Variants in ADARB2 observed in about 807,000 individuals in gnomAD.
The protein encoded by ADARB2 is adenosine deaminase RNA specific B2 (inactive).
ADARB2 carries 25 observed loss-of-function variants against 62.2 expected under a neutral mutation model. The ratio of observed to expected loss-of-function variants is 0.40; its 90% CI spans 0.29 to 0.56. The LOEUF (loss-of-function observed/expected upper bound fraction) is 0.56. Ranked by LOEUF, ADARB2 falls within the 20% of genes least tolerant of loss-of-function variation. The probability of loss-of-function intolerance (pLI) is 0.43; values close to 1 mark genes in which losing one functional copy is unlikely to be tolerated. For synonymous variants in ADARB2, 572 were observed against 500.8 expected, an observed-to-expected ratio of 1.14 and a Z score of -1.90; for missense variants, 1,071 against 1,077.4, an observed-to-expected ratio of 0.99 and a Z score of 0.08.
At chr10:1,225,485 T>C (rs994337813) in intron 6 of ADARB2, among the ~76,000 whole-genome samples, 2 of 152,216 alleles carry the variant, frequency 1.3e-5, no homozygotes, top group Non-Finnish European at 2.9e-5. Flanking sequence ...GCTCATTAGT[T>C]GATGCAGTTT....
chr10:1,220,385 G>A (rs1219992302), intron 6 of ADARB2, among the ~76,000 whole-genome samples: 1 of 150,966 alleles, frequency 6.6e-6, no homozygotes, highest in Non-Finnish European at 1.5e-5. Flanking sequence ...GATGGTGGTG[G>A]TGATGATGGT....
intron 1 of ADARB2, among the ~76,000 whole-genome samples, chr10:1,392,833 A>T (rs535378196): frequency 6.6e-6 from 1 of 152,190 alleles, no homozygotes; most frequent in Non-Finnish European, 1.5e-5. Context: ...TGTCAGCCAC[A>T]TGTTCACTGT....
At position 1,579,934 on chromosome 10, in the gene ADARB2, AGG is replaced by A. The variant is rs540766999; in HGVS notation, c.100+157115_100+157116del. ...AGCAGCCGCTCACCTTTCAGGACTC[AGG>A]GGCTCCCTTTTGAAGTCTTGTCTGT... On this transcript the variant is annotated intron_variant, in intron 1 of 9. Transcript: ENST00000381312. Among the ~76,000 whole-genome samples the A allele has an allele frequency of 3.9e-5, 6 of 152,236 alleles. No individual in the cohort carries two copies. In the East Asian group the frequency reaches 1.2e-3, roughly 29 times the overall value.
intron 3 of ADARB2, among the ~76,000 whole-genome samples, chr10:1,296,906 C>T (rs764943200): frequency 5.3e-5 from 8 of 152,214 alleles, no homozygotes; most frequent in Non-Finnish European, 1.2e-4. Context: ...CTAAGATGCT[C>T]GGTGCTGTCC....
At chr10:1,330,380 A>T (rs1159786371) in intron 3 of ADARB2, among the ~76,000 whole-genome samples, 7 of 152,230 alleles carry the variant, frequency 4.6e-5, no homozygotes, top group Admixed American at 3.3e-4. Context: ...TTTATAGAGG[A>T]TCTATAAATC....
intron 1 of ADARB2, among the ~76,000 whole-genome samples, chr10:1,505,553 C>G (rs1223339363): frequency 6.6e-6 from 1 of 152,206 alleles, no homozygotes; most frequent in African/African-American, 2.4e-5. Context: ...GAATTGAAAC[C>G]AGTGTGTCTA....
chr10:1,538,221 C>T (rs1564322051), intron 1 of ADARB2, among the ~76,000 whole-genome samples: 1 of 152,312 alleles, frequency 6.6e-6, no homozygotes, highest in East Asian at 1.9e-4. Flanking sequence ...GCAGTCTCTC[C>T]AGTGCCTGCG....
In ADARB2 at chr10:1,593,084, A is replaced by C. The variant is rs1334944303; in HGVS notation, c.100+143967T>G. ...CTCTGTCACCCAGCTTCCCTCGCCC[A>C]CGCCACCCTCCATAGGTCTCCTCTC... On this transcript the variant is annotated intron_variant, in intron 1 of 9. Transcript: ENST00000381312. Among the ~76,000 whole-genome samples the C allele has an allele frequency of 8.2e-5, 7 of 85,716 alleles. 1 individual carries two copies. In the East Asian group the frequency reaches 3.0e-3, roughly 37 times the overall value. 56.2% of individuals were successfully genotyped at this position (85,716 alleles called of 152,430 possible). A position where few individuals can be genotyped will look rare whatever the true frequency, so the allele number is the denominator to read the frequency against.
At chr10:1,546,752 G>C (rs1832526600) in intron 1 of ADARB2, among the ~76,000 whole-genome samples, 1 of 152,224 alleles carries the variant, frequency 6.6e-6, no homozygotes, top group South Asian at 2.1e-4. Context: ...CTGGGAGGTC[G>C]AAAGGCTGCA....
At chr10:1,405,373 CA>C (rs986971050) in intron 1 of ADARB2, among the ~76,000 whole-genome samples, 1 of 152,168 alleles carries the variant, frequency 6.6e-6, no homozygotes, top group Non-Finnish European at 1.5e-5. Flanking sequence ...AGCGCCTCCA[CA>C]AAATGAGAGA....
intron 1 of ADARB2, among the ~76,000 whole-genome samples, chr10:1,619,289 TAAA>T (rs59098282): frequency 4.3e-5 from 5 of 115,792 alleles, no homozygotes; most frequent in East Asian, 2.7e-4. Flanking sequence ...ACATTGAAAG[TAAA>T]AAAAAAAAAA....
At position 1,482,382 on chromosome 10, in the gene ADARB2, T is replaced by G. The variant is rs373670021; in HGVS notation, c.101-103222A>C. ...TCCATACAATGGACTGGAATTCTGG[T>G]TTGTGCATAATGGAGGCATTAGGCT... On this transcript the variant is annotated intron_variant, in intron 1 of 9. Transcript: ENST00000381312. 3.3e-5 allele frequency among the ~76,000 whole-genome samples: 5 copies of G among 152,298 alleles called. No individual in the cohort carries two copies. In the East Asian group the frequency reaches 5.8e-4, roughly 18 times the overall value.
chr10:1,707,104 A>G (rs1252541319), intron 1 of ADARB2, among the ~76,000 whole-genome samples: 1 of 152,246 alleles, frequency 6.6e-6, no homozygotes, highest in African/African-American at 2.4e-5. Flanking sequence ...GATCACAACA[A>G]ACATTGTTTC....
At chr10:1,725,123 A>T (rs1400229456) in intron 1 of ADARB2, among the ~76,000 whole-genome samples, 1 of 152,258 alleles carries the variant, frequency 6.6e-6, no homozygotes, top group Non-Finnish European at 1.5e-5. Context: ...AGTCCCAACC[A>T]GATGAACCTG....
intron 1 of ADARB2, among the ~76,000 whole-genome samples, chr10:1,549,875 G>C (rs947904551): frequency 2.0e-5 from 3 of 152,162 alleles, no homozygotes; most frequent in African/African-American, 7.2e-5. Flanking sequence ...CCCCTCTCCT[G>C]GGTGCTGGGT....
At chr10:1,199,886 G>C in intron 8 of ADARB2, 80 bp downstream of exon 8, 4 of 1,378,384 alleles carry the variant, frequency 2.9e-6, no homozygotes, top group Non-Finnish European at 3.8e-6. Context: ...AAGTCTGCGA[G>C]GGATGGCACC....
At chr10:1,406,260 G>C (rs1464655939) in intron 1 of ADARB2, among the ~76,000 whole-genome samples, 1 of 152,198 alleles carries the variant, frequency 6.6e-6, no homozygotes, top group African/African-American at 2.4e-5. Context: ...GCTTCCTTCT[G>C]TGTGTGGGCC....
At chr10:1,189,163 CCTTT>C (rs1323694104) in intron 8 of ADARB2, among the ~76,000 whole-genome samples, 1 of 152,156 alleles carries the variant, frequency 6.6e-6, no homozygotes, top group Non-Finnish European at 1.5e-5. Context: ...CCAGGCTCTT[CCTTT>C]CTTTGTTTTA....
chr10:1,233,823 G>C lies in ADARB2; in HGVS notation c.1384C>G (p.Arg462Gly). The change falls in exon 6 of 10, where the codon CGA becomes GGA. Residue 462 changes from arginine (R) to glycine (G), a missense_variant. By Grantham distance (125) the Arg-to-Gly change is moderately radical. Coordinates refer to ENST00000381312, the MANE Select transcript of ADARB2 (RefSeq NM_018702.4). ...TCTTTTAACCGCACGAATATCGATCGCTCTGAGTCCTCGCGCCGCTTGCTA... is the reference window on the plus strand; with the variant it reads ...TCTTTTAACCGCACGAATATCGATCCCTCTGAGTCCTCGCGCCGCTTGCTA... ...HLSKRREDSE[R>G]SIFVRLKEGG... The C allele has an allele frequency of 6.2e-7, 1 of 1,613,906 alleles. No homozygotes were observed. Among genetic ancestry groups the C allele is most frequent in the Middle Eastern group, 1.7e-4 (1 of 6,058 alleles).
Sources: gnomAD v4.1 joint callset for allele counts (sites outside exome capture counted in the v4.1 genomes callset) on GRCh38, gnomAD v4.1.1 for gene constraint, MANE v1.5 for transcripts, NCBI Gene and HGNC (gene_info 2026-07-23, HGNC 2026-07-21) for gene names.